COL24A1: variants seen among roughly 807,000 people sequenced by gnomAD.
The protein encoded by COL24A1 is collagen alpha-1(XXIV) chain.
A neutral mutation model predicts 253.9 loss-of-function variants in COL24A1; 224 were observed. The ratio of observed to expected loss-of-function variants is 0.88; its 90% CI spans 0.79 to 0.99. COL24A1 has a LOEUF of 0.99. Among genes scored for constraint, COL24A1 ranks in the 50% least tolerant of loss-of-function variants. COL24A1 has a pLI of 0.00. For missense variants in COL24A1, 2,131 were observed against 2,068.5 expected (o/e 1.03, Z -0.59); for synonymous variants, 685 against 673.7 (o/e 1.02, Z -0.26).
At chr1:85,971,311 A>G in intron 21 of COL24A1, 29 bp downstream of exon 21, 1 of 1,599,812 alleles carries the variant, frequency 6.3e-7, no homozygotes, top group East Asian at 2.2e-5. Context: ...AACCTTGCTG[A>G]AGCTGACTGG....
At chr1:86,075,357 C>G (rs1395420829) in intron 7 of COL24A1, among the ~76,000 whole-genome samples, 1 of 152,084 alleles carries the variant, frequency 6.6e-6, no homozygotes, top group Non-Finnish European at 1.5e-5. Context: ...AGTCAAATCC[C>G]TGAATAGATC....
chr1:86,077,027 A>G (rs571238300), intron 7 of COL24A1, among the ~76,000 whole-genome samples: 106 of 152,340 alleles, frequency 7.0e-4, no homozygotes, highest in Middle Eastern at 3.4e-3. Context: ...CTGCACAGCA[A>G]AAGAAACTAT....
chr1:86,074,444 C>T (rs904489801), intron 7 of COL24A1, among the ~76,000 whole-genome samples: 4 of 151,718 alleles, frequency 2.6e-5, no homozygotes, highest in Admixed American at 6.6e-5. Flanking sequence ...CAGGAGTACC[C>T]GGATTCATAA....
chr1:85,946,634 C>T (rs886165298), intron 24 of COL24A1, among the ~76,000 whole-genome samples: 11 of 152,004 alleles, frequency 7.2e-5, no homozygotes, highest in Non-Finnish European at 1.6e-4. Flanking sequence ...TATTTTCTAC[C>T]CCTGACAATA....
intron 7 of COL24A1, among the ~76,000 whole-genome samples, chr1:86,082,765 A>G (rs949663131): frequency 1.3e-5 from 2 of 150,042 alleles, no homozygotes; most frequent in African/African-American, 2.4e-5. Context: ...ACTTTTGTAT[A>G]GGTTACATAT....
At chr1:85,741,118 CA>C (rs570264288) in intron 57 of COL24A1, among the ~76,000 whole-genome samples, 1,664 of 84,990 alleles carry the variant, frequency 0.02, 43 homozygotes, top group Admixed American at 0.1. Context: ...AACTCTGCCT[CA>C]AAAAAAAAAA....
rs549072974 is a variant in COL24A1 at position 85,973,460 on chromosome 1, A to G, written c.2365-2067T>C. On this transcript the variant is annotated intron_variant, in intron 20 of 59. Transcript: ENST00000370571. Reference sequence around the variant, plus strand: ...CAAAATCCTTTCTGGGAGGATTAGCATATTTTTAATATGTGAAAATAATTT... The same window carrying G: ...CAAAATCCTTTCTGGGAGGATTAGCGTATTTTTAATATGTGAAAATAATTT... Among the ~76,000 whole-genome samples, 6 of 152,346 alleles carry G rather than the reference A, an allele frequency of 3.9e-5. No individual in the cohort carries two copies. The South Asian group carries it at 1.2e-3, about 32-fold the overall frequency.
intron 5 of COL24A1, among the ~76,000 whole-genome samples, chr1:86,102,526 A>G (rs937443194): frequency 6.6e-6 from 1 of 152,180 alleles, no homozygotes; most frequent in South Asian, 2.1e-4. Context: ...TTAGTGCAAT[A>G]CATTTCCCCT....
chr1:85,976,493 A>G (rs1558868478), intron 20 of COL24A1, among the ~76,000 whole-genome samples: 1 of 152,052 alleles, frequency 6.6e-6, no homozygotes, highest in Non-Finnish European at 1.5e-5. Flanking sequence ...GCCCAAGGAG[A>G]GAGTCTGAGC....
intron 47 of COL24A1, among the ~76,000 whole-genome samples, chr1:85,806,487 G>T (rs1418513459): frequency 6.6e-6 from 1 of 152,218 alleles, no homozygotes; most frequent in East Asian, 1.9e-4. Flanking sequence ...TTCTGCTGTT[G>T]TAGTGCAAAA....
Position 85,832,081 on chromosome 1 carries a change from T to C in COL24A1, c.3681+6504A>G, listed in dbSNP as rs868111449. Among the ~76,000 whole-genome samples, 88 of 152,158 alleles carry C rather than the reference T, an allele frequency of 5.8e-4. 1 individual carries two copies. The highest frequency in any genetic ancestry group is 3.3e-3 in the South Asian group (16 of 4,822). On this transcript the variant is annotated intron_variant, in intron 43 of 59. Coordinates refer to ENST00000370571, the MANE Select transcript of COL24A1 (RefSeq NM_152890.7). ...TTAGGTCTAACATGTAAGTCTTTAA[T>C]CCATCTTGAATTAATTTTTGTATAA... is the stretch of plus-strand genomic sequence containing the variant.
In COL24A1 at chr1:85,823,615, C is replaced by T. The variant is rs761347797; in HGVS notation, c.3736-26G>A. The T allele has an allele frequency of 3.1e-6, 5 of 1,613,818 alleles. No individual in the cohort carries two copies. In the South Asian group the frequency reaches 5.5e-5, roughly 18 times the overall value. ...CTTTAGTAGAAACCAAAATAAAAAT[C>T]ACATATGAAGCAGAGACCAAATAAG... On this transcript the variant is annotated intron_variant, in intron 44 of 59. Coordinates refer to ENST00000370571, the MANE Select transcript of COL24A1 (RefSeq NM_152890.7).
chr1:86,072,713 A>G (rs754345612), intron 7 of COL24A1, among the ~76,000 whole-genome samples: 4 of 152,154 alleles, frequency 2.6e-5, no homozygotes, highest in African/African-American at 9.7e-5. Context: ...GCAGGGGTCG[A>G]CAGACACCTC....
intron 8 of COL24A1, among the ~76,000 whole-genome samples, chr1:86,062,023 T>A (rs939454276): frequency 6.6e-6 from 1 of 152,060 alleles, no homozygotes; most frequent in African/African-American, 2.4e-5. Context: ...ACTCATTTTG[T>A]GGATAAAATA....
chr1:86,118,934 T>TTGTC (rs1706423011), intron 3 of COL24A1, among the ~76,000 whole-genome samples: 1 of 152,142 alleles, frequency 6.6e-6, no homozygotes, highest in Non-Finnish European at 1.5e-5. Context: ...CAAGAGGCAG[T>TTGTC]TGCAGAGGTA....
chr1:86,156,373 T>C lies in COL24A1; in HGVS notation c.24A>G (p.Thr8=). The C allele has an allele frequency of 1.2e-6, 2 of 1,613,008 alleles. No homozygotes were observed. Among genetic ancestry groups the C allele is most frequent in the East Asian group, 4.5e-5 (2 of 44,782 alleles). Residue 8 remains threonine, a synonymous_variant, in exon 1 of 60, where the codon ACA becomes ACG. Transcript: ENST00000370571. ...CCGTGGGGGAGACTTTTCCACGCCT[T>C]GTTCTGTGGGCTCTTAAATGCATTT... MHLRAHR[T]RRGKVSPTAK... is the part of the protein sequence containing the mutation.
intron 3 of COL24A1, 99 bp downstream of exon 3, chr1:86,124,746 G>A (rs982747765): frequency 2.3e-5 from 20 of 860,784 alleles, no homozygotes; most frequent in Non-Finnish European, 3.4e-5. Context: ...TATCTGTTAT[G>A]TATTGTTTGG....
chr1:85,830,162 G>C (rs1341258608), intron 43 of COL24A1, among the ~76,000 whole-genome samples: 159 of 148,210 alleles, frequency 1.1e-3, no homozygotes, highest in South Asian at 2.6e-3. Flanking sequence ...TCAGCTGCAG[G>C]TCTGTTGGAG....
intron 12 of COL24A1, among the ~76,000 whole-genome samples, chr1:86,046,247 CAAG>C (rs1553268926): frequency 2.0e-5 from 3 of 152,096 alleles, no homozygotes; most frequent in Non-Finnish European, 4.4e-5. Context: ...ACTAGCTTAA[CAAG>C]AAGAACCTCA....
Sources: allele counts gnomAD v4.1 joint callset (sites outside exome capture counted in the v4.1 genomes callset), GRCh38; gene constraint gnomAD v4.1.1; transcripts MANE v1.5; gene names NCBI Gene and HGNC (gene_info 2026-07-23, HGNC 2026-07-21).